The following CFAP54 variants were observed in gnomAD, a reference collection of about 807,000 sequenced individuals.
CFAP54 encodes the protein cilia and flagella associated protein 54, also known as cilia- and flagella-associated protein 54.
CFAP54 carries 290 observed loss-of-function variants against 370.4 expected under a neutral mutation model. That is an observed-to-expected ratio of 0.78 (90% CI 0.71 to 0.86). The LOEUF is 0.86. Ranked by LOEUF, CFAP54 falls within the 40% of genes least tolerant of loss-of-function variation. CFAP54 has a pLI of 0.00. For missense variants in CFAP54, 3,399 were observed against 3,528.7 expected, an observed-to-expected ratio of 0.96 and a Z score of 0.93; for synonymous variants, 1,206 against 1,236.5, an observed-to-expected ratio of 0.98 and a Z score of 0.52.
At chr12:96,584,579 C>T (rs1956058570) in intron 22 of CFAP54, among the ~76,000 whole-genome samples, 1 of 152,024 alleles carries the variant, frequency 6.6e-6, no homozygotes, top group East Asian at 1.9e-4. Context: ...ATCATTTAGT[C>T]AATGTTTATC....
At chr12:96,637,356 A>T (rs1956673656) in intron 32 of CFAP54, among the ~76,000 whole-genome samples, 1 of 152,180 alleles carries the variant, frequency 6.6e-6, no homozygotes, top group African/African-American at 2.4e-5. Context: ...ACTGCTGTGA[A>T]CATTCATGTA....
chr12:96,793,230 C>A (rs1958721629), intron 63 of CFAP54, among the ~76,000 whole-genome samples: 2 of 152,098 alleles, frequency 1.3e-5, no homozygotes, highest in African/African-American at 4.8e-5. Flanking sequence ...TTGTATCATT[C>A]TTATACATTT....
rs577555745 is a variant in CFAP54 at position 96,641,670 on chromosome 12, A to C, written c.4317-2508A>C. On this transcript the variant is annotated intron_variant, in intron 32 of 67. Coordinates refer to ENST00000524981, the MANE Select transcript of CFAP54 (RefSeq NM_001306084.2). ...ACTATTCACAATAGCAAAGACTTGG[A>C]ACCAAGCCAAATGTCCAACAATGAT... Among the ~76,000 whole-genome samples the C allele has an allele frequency of 5.3e-5, 8 of 152,324 alleles. No individual in the cohort carries two copies. In the South Asian group the frequency reaches 1.7e-3, roughly 32 times the overall value.
intron 67 of CFAP54, among the ~76,000 whole-genome samples, chr12:96,873,259 G>T (rs914224243): frequency 3.9e-5 from 6 of 152,050 alleles, no homozygotes; most frequent in Admixed American, 3.3e-4. Context: ...GGAGGTTTGA[G>T]TCAAGCTTGG....
In CFAP54 at chr12:96,742,482, C is replaced by T. The variant is rs894088687; in HGVS notation, c.7115C>T (p.Ser2372Phe). 2 of 1,605,500 alleles carry T rather than the reference C, an allele frequency of 1.2e-6. No individual in the cohort carries two copies. Among genetic ancestry groups the T allele is most frequent in the Non-Finnish European group, 1.7e-6 (2 of 1,172,938 alleles). The change falls in exon 52 of 68, where the codon TCC (serine) becomes TTC (phenylalanine). Residue 2372 changes from serine (S) to phenylalanine (F), a missense_variant. Coordinates refer to ENST00000524981, the MANE Select transcript of CFAP54 (RefSeq NM_001306084.2). ...GACAGTGAGTTTTTAGATCCTATTT[C>T]CCTAAATGCCCGAGAATATTTCAAC... ...KDDSEFLDPI[S>F]LNAREYFNIH... is the part of the protein sequence containing the mutation.
At chr12:96,615,268 T>TC (rs1956402898) in intron 26 of CFAP54, among the ~76,000 whole-genome samples, 1 of 152,236 alleles carries the variant, frequency 6.6e-6, no homozygotes, top group Non-Finnish European at 1.5e-5. Context: ...GGGAAAGGAT[T>TC]CCCTATTTAA....
At chr12:96,780,013 T>G (rs1158409119) in intron 60 of CFAP54, among the ~76,000 whole-genome samples, 1 of 152,192 alleles carries the variant, frequency 6.6e-6, no homozygotes, top group African/African-American at 2.4e-5. Flanking sequence ...TCTAAAACGA[T>G]GCCTATTTTT....
chr12:96,832,176 A>G (rs771712914), intron 66 of CFAP54, among the ~76,000 whole-genome samples: 2 of 152,092 alleles, frequency 1.3e-5, no homozygotes, highest in Non-Finnish European at 2.9e-5. Flanking sequence ...GCTGTCATCC[A>G]TGTAAGACAT....
At chr12:96,677,428 A>G (rs935485742) in intron 39 of CFAP54, among the ~76,000 whole-genome samples, 1 of 152,218 alleles carries the variant, frequency 6.6e-6, no homozygotes, top group African/African-American at 2.4e-5. Flanking sequence ...CTAAGGAGAA[A>G]AAGATAAAAG....
chr12:96,549,916 C>A (rs963729148), intron 15 of CFAP54, among the ~76,000 whole-genome samples: 1 of 152,148 alleles, frequency 6.6e-6, no homozygotes, highest in African/African-American at 2.4e-5. Context: ...GTTCACCCAG[C>A]AGAGTCTGTA....
intron 48 of CFAP54, among the ~76,000 whole-genome samples, chr12:96,711,046 A>G (rs776761287): frequency 1.4e-4 from 22 of 152,210 alleles, no homozygotes; most frequent in African/African-American, 5.1e-4. Context: ...GCTTGAACTT[A>G]TATTTGTGGA....
chr12:96,557,326 G>A (rs543824846), intron 17 of CFAP54, among the ~76,000 whole-genome samples: 134 of 152,190 alleles, frequency 8.8e-4, no homozygotes, highest in Non-Finnish European at 1.4e-3. Flanking sequence ...AAGACAATAA[G>A]CAAAAGAAAG....
intron 32 of CFAP54, among the ~76,000 whole-genome samples, chr12:96,640,502 A>C (rs1404578924): frequency 6.6e-6 from 1 of 152,244 alleles, no homozygotes; most frequent in Non-Finnish European, 1.5e-5. Flanking sequence ...CATACTGCCC[A>C]AGGTAATTTA....
chr12:96,646,191 C>G (rs1006632324), intron 33 of CFAP54: 1 of 151,964 alleles, frequency 6.6e-6, no homozygotes, highest in African/African-American at 2.4e-5. Flanking sequence ...AAAATTTTTG[C>G]AATCTACTCA....
intron 32 of CFAP54, among the ~76,000 whole-genome samples, chr12:96,642,792 C>T (rs1254167530): frequency 1.3e-5 from 2 of 152,170 alleles, no homozygotes; most frequent in African/African-American, 4.8e-5. Flanking sequence ...CTGTCTCTGT[C>T]TCTTGGGTGT....
intron 63 of CFAP54, among the ~76,000 whole-genome samples, chr12:96,803,507 G>C (rs1458549896): frequency 2.0e-5 from 3 of 152,008 alleles, no homozygotes; most frequent in African/African-American, 7.2e-5. Context: ...TTACCCCACT[G>C]CTGCCACCAG....
intron 60 of CFAP54, among the ~76,000 whole-genome samples, chr12:96,774,879 C>A (rs968612564): frequency 6.6e-6 from 1 of 151,922 alleles, no homozygotes; most frequent in Non-Finnish European, 1.5e-5. Context: ...AAAATTATTT[C>A]TATTAGTTGT....
In CFAP54 at chr12:96,657,870, T is replaced by C. The variant is rs1956940280; in HGVS notation, c.5101-12T>C. On this transcript the variant is annotated splice_polypyrimidine_tract_variant and intron_variant, in intron 36 of 67. Transcript: ENST00000524981. ...AAATTACACATTTTTTTTTTCACTG[T>C]GCTACTTGCAGCCTATTGAAGACAA... 1 of 1,559,116 alleles carries C rather than the reference T, an allele frequency of 6.4e-7. No homozygotes were observed. Among genetic ancestry groups the C allele is most frequent in the Non-Finnish European group, 8.7e-7 (1 of 1,143,578 alleles).
At chr12:96,830,502 G>A (rs11108713) in intron 66 of CFAP54, among the ~76,000 whole-genome samples, 12 of 151,770 alleles carry the variant, frequency 7.9e-5, no homozygotes, top group East Asian at 1.9e-4. Context: ...GACCATTTGC[G>A]TATCTTCTTT....
Sources: allele counts gnomAD v4.1 joint callset (sites outside exome capture counted in the v4.1 genomes callset), GRCh38; gene constraint gnomAD v4.1.1; transcripts MANE v1.5; gene names NCBI Gene and HGNC (gene_info 2026-07-23, HGNC 2026-07-21).